DNAI3: variants seen among roughly 807,000 people sequenced by gnomAD.
DNAI3 encodes WD repeat domain 63.
In DNAI3, 83 loss-of-function variants were observed where a neutral mutation model predicts 115.5. The ratio of observed to expected loss-of-function variants is 0.72; its 90% CI spans 0.60 to 0.86. The LOEUF (loss-of-function observed/expected upper bound fraction) is 0.86. Among genes scored for constraint, DNAI3 ranks in the 40% least tolerant of loss-of-function variants. The pLI, the probability that DNAI3 is intolerant of heterozygous loss-of-function variation, is 0.00. For missense variants in DNAI3, 1,004 were observed against 1,075.8 expected, an observed-to-expected ratio of 0.93 and a Z score of 0.93; for synonymous variants, 320 against 347.0, an observed-to-expected ratio of 0.92 and a Z score of 0.86.
intron 8 of DNAI3, among the ~76,000 whole-genome samples, chr1:85,090,562 A>G (rs1281864544): frequency 6.6e-6 from 1 of 152,138 alleles, no homozygotes; most frequent in Non-Finnish European, 1.5e-5. Flanking sequence ...CCTCTTCCTC[A>G]TTAACTTTTT....
rs1401455682 is a variant in DNAI3, at chr1:85,126,622, A to G, written c.2224A>G (p.Ile742Val). 6.2e-7 allele frequency: 1 copy of G among 1,614,128 alleles called. No individual in the cohort carries two copies. ...CGGCCGAGAAGATGGATACATTGAT[A>G]TCTGGGACCTTCTGGAGAAAACCCA... ...YIGREDGYID[I>V]WDLLEKTHEP... Residue 742 changes from isoleucine (I) to valine (V), a missense_variant, in exon 20 of 23, where the codon ATC becomes GTC. Ile to Val is a conservative substitution (Grantham distance 29). Coordinates refer to ENST00000294664, the MANE Select transcript of DNAI3 (RefSeq NM_145172.5).
intron 16 of DNAI3, among the ~76,000 whole-genome samples, chr1:85,115,105 A>G (rs1331916962): frequency 2.6e-5 from 4 of 152,262 alleles, no homozygotes; most frequent in Admixed American, 1.3e-4. Flanking sequence ...CAAAGCCACA[A>G]TGTATTATTT....
At chr1:85,110,416 A>C (rs1029538153) in intron 16 of DNAI3, among the ~76,000 whole-genome samples, 1 of 150,160 alleles carries the variant, frequency 6.7e-6, no homozygotes. Context: ...GTGCCACTGT[A>C]CTCCAGTCCG....
Position 85,089,848 on chromosome 1 carries a change from A to G in DNAI3, c.741-268A>G, listed in dbSNP as rs139756274. On this transcript the variant is annotated intron_variant, in intron 7 of 22. Transcript: ENST00000294664. ...TGTGGGAATTCCTTATACCCTTCTT[A>G]TAACTTTTCTATAAGTTTGAAATGA... is the stretch of plus-strand genomic sequence containing the variant. Among the ~76,000 whole-genome samples, 389 of 152,304 alleles carry G rather than the reference A, an allele frequency of 2.6e-3. 3 individuals carry two copies. Among genetic ancestry groups the G allele is most frequent in the African/African-American group, 8.4e-3 (351 of 41,568 alleles).
At chr1:85,105,393 C>A (rs1211602444) in intron 14 of DNAI3, among the ~76,000 whole-genome samples, 1 of 151,962 alleles carries the variant, frequency 6.6e-6, no homozygotes, top group Non-Finnish European at 1.5e-5. Context: ...TATGCCAATA[C>A]TCTACTGAGT....
At chr1:85,127,091 A>AT (rs1049333315) in intron 20 of DNAI3, among the ~76,000 whole-genome samples, 2 of 151,928 alleles carry the variant, frequency 1.3e-5, no homozygotes, top group African/African-American at 2.4e-5. Context: ...TCTTTTGCTG[A>AT]TTTTTTTTCC....
intron 2 of DNAI3, 81 bp from the exon 3 acceptor site, chr1:85,072,973 A>AG (rs1553165208): frequency 1.3e-6 from 1 of 760,196 alleles, no homozygotes; most frequent in Non-Finnish European, 1.8e-6. Context: ...AAAAAAAAAA[A>AG]AGAAGAAATA....
At chr1:85,099,579 C>T (rs1655230023) in intron 13 of DNAI3, among the ~76,000 whole-genome samples, 1 of 152,102 alleles carries the variant, frequency 6.6e-6, no homozygotes, top group Non-Finnish European at 1.5e-5. Flanking sequence ...TCAATGCCAT[C>T]CCCATCAGGC....
chr1:85,092,060 G>T (rs1157614158), intron 8 of DNAI3, among the ~76,000 whole-genome samples: 1 of 152,066 alleles, frequency 6.6e-6, no homozygotes, highest in Admixed American at 6.6e-5. Context: ...CGCTACACAG[G>T]GTTATTCAAT....
chr1:85,113,969 T>A (rs183909558), intron 16 of DNAI3, among the ~76,000 whole-genome samples: 4 of 152,032 alleles, frequency 2.6e-5, no homozygotes, highest in African/African-American at 7.2e-5. Context: ...TAAATTTTTT[T>A]AATTTCCAAT....
intron 7 of DNAI3, 78 bp downstream of exon 7, chr1:85,086,108 C>T: frequency 1.5e-6 from 2 of 1,336,212 alleles, no homozygotes; most frequent in Non-Finnish European, 2.1e-6. Context: ...ATTTTGAGAG[C>T]TCTTTATAAT....
At chr1:85,092,295 A>G (rs1470830832) in intron 8 of DNAI3, among the ~76,000 whole-genome samples, 2 of 152,232 alleles carry the variant, frequency 1.3e-5, no homozygotes, top group East Asian at 3.8e-4. Context: ...AATGACTGGT[A>G]GTGTAATGAT....
chr1:85,120,977 CA>C (rs1179191464), intron 17 of DNAI3, among the ~76,000 whole-genome samples: 3 of 152,170 alleles, frequency 2.0e-5, no homozygotes, highest in African/African-American at 7.2e-5. Context: ...CCATTTTATA[CA>C]AACTCCTGTG....
intron 15 of DNAI3, 118 bp from the exon 16 acceptor site, chr1:85,109,930 A>C (rs1000050456): frequency 6.8e-6 from 6 of 879,110 alleles, no homozygotes; most frequent in Non-Finnish European, 1.0e-5. Context: ...GGGAAGGAAG[A>C]AAAAAAAGGA....
intron 1 of DNAI3, among the ~76,000 whole-genome samples, chr1:85,064,633 C>T (rs1200276069): frequency 6.6e-6 from 1 of 152,116 alleles, no homozygotes; most frequent in African/African-American, 2.4e-5. Context: ...GGAGAGGTAC[C>T]TCACGTCTAT....
intron 7 of DNAI3, among the ~76,000 whole-genome samples, chr1:85,089,519 T>C (rs1654904985): frequency 6.7e-6 from 1 of 149,462 alleles, no homozygotes; most frequent in African/African-American, 2.5e-5. Context: ...CTGAAATGTA[T>C]CTTATTCCTA....
intron 22 of DNAI3, 132 bp from the exon 23 acceptor site, chr1:85,132,707 ACCTGCCCTCCTGCCTT>A (rs1216638680): frequency 1.3e-6 from 1 of 796,992 alleles, no homozygotes; most frequent in Non-Finnish European, 1.8e-6. Flanking sequence ...CCTCCTGCCC[ACCTGCCCTCCTGCCTT>A]CCTGCCCTCC....
intron 13 of DNAI3, among the ~76,000 whole-genome samples, chr1:85,098,868 C>G (rs571954931): frequency 2.6e-5 from 4 of 152,270 alleles, no homozygotes; most frequent in African/African-American, 9.6e-5. Flanking sequence ...TGGCTTCTAA[C>G]TAAAAAATGT....
Position 85,093,498 on chromosome 1 carries a change from T to C in DNAI3, c.898T>C (p.Phe300Leu). The stretch of plus-strand genomic sequence containing the variant: ...GCAGCAAAATGAAATCATGAACACA[T>C]TTATTGATGACTGGAAATACCTCGC... ...ALQQNEIMNT[F>L]IDDWKYLAEE... Residue 300 changes from phenylalanine (F) to leucine (L), a missense_variant, in exon 9 of 23, where the codon TTT becomes CTT. Coordinates refer to ENST00000294664, the MANE Select transcript of DNAI3 (RefSeq NM_145172.5). 1 of 1,614,170 alleles carries C rather than the reference T, an allele frequency of 6.2e-7. No individual in the cohort carries two copies. The highest frequency in any genetic ancestry group is 8.5e-7 in the Non-Finnish European group (1 of 1,180,038).
Sources: allele counts gnomAD v4.1 joint callset (sites outside exome capture counted in the v4.1 genomes callset), GRCh38; gene constraint gnomAD v4.1.1; transcripts MANE v1.5; gene names NCBI Gene and HGNC (gene_info 2026-07-23, HGNC 2026-07-21).